Variants in RANBP2 observed in about 807,000 individuals in gnomAD.
The protein encoded by RANBP2 is RAN binding protein 2, also known as E3 SUMO-protein ligase RanBP2.
RANBP2 carries 57 observed loss-of-function variants against 303.6 expected under a neutral mutation model. The ratio of observed to expected loss-of-function variants is 0.19; its 90% CI spans 0.15 to 0.23. RANBP2 has a LOEUF of 0.23. RANBP2 is among the 10% of genes least tolerant of loss of function. The pLI is 1.00. For synonymous variants in RANBP2, 1,167 were observed against 1,301.5 expected (o/e 0.90, Z 2.23); for missense variants, 3,138 against 3,780.8 (o/e 0.83, Z 4.46).
the RANBP2 span, chr2:109,615,192 C>T: frequency 6.5e-7 from 1 of 1,548,620 alleles, no homozygotes; most frequent in South Asian, 1.2e-5. Flanking sequence ...CGGGGGAGGA[C>T]GCGGCAGAGG....
chr2:108,974,329 CAAAAAAAAAAAAAA>C, the RANBP2 span, among the ~76,000 whole-genome samples: 7 of 61,526 alleles, frequency 1.1e-4, no homozygotes, highest in South Asian at 5.2e-3. Flanking sequence ...GGATCCGTCT[CAAAAAAAAAAAAAA>C]AAAAAAAAAA....
At chr2:109,347,305 G>T in the RANBP2 span, among the ~76,000 whole-genome samples, 1 of 152,166 alleles carries the variant, frequency 6.6e-6, no homozygotes, top group Non-Finnish European at 1.5e-5. Context: ...CTGCTCCTAG[G>T]TGTGGGCCTT....
chr2:109,280,083 G>C, the RANBP2 span, among the ~76,000 whole-genome samples: 2 of 152,148 alleles, frequency 1.3e-5, no homozygotes, highest in Non-Finnish European at 2.9e-5. Flanking sequence ...CGATCCCAGA[G>C]ACAACAGAGT....
chr2:108,783,286 G>A (rs13401614), intron 28 of RANBP2, among the ~76,000 whole-genome samples: 12,203 of 134,572 alleles, frequency 0.091, 1,784 homozygotes, highest in African/African-American at 0.32. Context: ...AGCTAGGTTT[G>A]CACCACTGCA....
chr2:109,507,294 C>G, the RANBP2 span, among the ~76,000 whole-genome samples: 1 of 152,230 alleles, frequency 6.6e-6, no homozygotes, highest in Non-Finnish European at 1.5e-5. Context: ...CAGGGACCGT[C>G]TTGGAATCGG....
At chr2:108,898,909 C>G in the RANBP2 span, among the ~76,000 whole-genome samples, 11 of 152,240 alleles carry the variant, frequency 7.2e-5, no homozygotes, top group African/African-American at 2.4e-4. Flanking sequence ...CTGAAAAACA[C>G]AGAGCCTTAG....
chr2:108,969,287 G>A, the RANBP2 span, among the ~76,000 whole-genome samples: 1 of 151,796 alleles, frequency 6.6e-6, no homozygotes, highest in African/African-American at 2.4e-5. Flanking sequence ...TATGCACTTT[G>A]ATTCTGTCTT....
At chr2:109,590,063 T>C in the RANBP2 span, among the ~76,000 whole-genome samples, 1 of 148,534 alleles carries the variant, frequency 6.7e-6, no homozygotes, top group Non-Finnish European at 1.5e-5. Flanking sequence ...TGTGTATATA[T>C]ATACACACAC....
At chr2:109,126,607 C>T in the RANBP2 span, among the ~76,000 whole-genome samples, 153 of 152,168 alleles carry the variant, frequency 1.0e-3, no homozygotes, top group African/African-American at 3.3e-3. Flanking sequence ...AAGATTTGAC[C>T]GCATTTTCTG....
At chr2:109,121,013 G>A in the RANBP2 span, among the ~76,000 whole-genome samples, 10 of 152,290 alleles carry the variant, frequency 6.6e-5, no homozygotes, top group Non-Finnish European at 1.3e-4. Flanking sequence ...TTGGGAGGCC[G>A]AGGTGGGCGG....
the RANBP2 span, among the ~76,000 whole-genome samples, chr2:109,720,814 G>A: frequency 6.6e-6 from 1 of 152,194 alleles, no homozygotes; most frequent in Non-Finnish European, 1.5e-5. Flanking sequence ...CCTTCAGGCT[G>A]GGACCTCACA....
chr2:108,780,796 G>A (rs757347195), intron 25 of RANBP2, among the ~76,000 whole-genome samples: 3 of 151,390 alleles, frequency 2.0e-5, no homozygotes, highest in East Asian at 2.0e-4. Flanking sequence ...CGCAACCTCC[G>A]CCTCCTGGGT....
At chr2:108,990,897 T>C in the RANBP2 span, among the ~76,000 whole-genome samples, 1 of 152,212 alleles carries the variant, frequency 6.6e-6, no homozygotes, top group Non-Finnish European at 1.5e-5. Context: ...ATGGGAGGTA[T>C]TCTGGGCTAA....
chr2:109,432,693 C>A, the RANBP2 span: 1 of 1,602,366 alleles, frequency 6.2e-7, no homozygotes, highest in Non-Finnish European at 8.5e-7. Context: ...GTGGTGGCAG[C>A]CTGGGCAAGG....
chr2:109,030,821 C>A, the RANBP2 span, among the ~76,000 whole-genome samples: 1 of 152,158 alleles, frequency 6.6e-6, no homozygotes, highest in African/African-American at 2.4e-5. Flanking sequence ...CTCCTGGGCT[C>A]AAGCAGTCCT....
chr2:109,701,448 T>C, the RANBP2 span, among the ~76,000 whole-genome samples: 2 of 152,126 alleles, frequency 1.3e-5, no homozygotes, highest in Admixed American at 6.6e-5. Context: ...TGTACAGTGG[T>C]TTGGCCTGGT....
chr2:108,953,798 A>G, the RANBP2 span, among the ~76,000 whole-genome samples: 22 of 152,190 alleles, frequency 1.4e-4, no homozygotes, highest in Non-Finnish European at 2.9e-4. Flanking sequence ...GCAGAAGAAA[A>G]TGGTTCTGAG....
the RANBP2 span, among the ~76,000 whole-genome samples, chr2:109,071,569 G>A: frequency 6.6e-6 from 1 of 152,064 alleles, no homozygotes; most frequent in South Asian, 2.1e-4. Context: ...AGCTACTCAG[G>A]AGGCTGAGGC....
chr2:109,475,088 C>G, the RANBP2 span, among the ~76,000 whole-genome samples: 12,822 of 152,272 alleles, frequency 0.084, 1,261 homozygotes, highest in African/African-American at 0.23. Flanking sequence ...AGCGATCCTC[C>G]TGCCTCAGCC....
Sources: allele counts gnomAD v4.1 joint callset (sites outside exome capture counted in the v4.1 genomes callset), GRCh38; gene constraint gnomAD v4.1.1; transcripts MANE v1.5; gene names NCBI Gene and HGNC (gene_info 2026-07-23, HGNC 2026-07-21).